VSTM2L: variants seen among roughly 807,000 people sequenced by gnomAD.
The protein encoded by VSTM2L is V-set and transmembrane domain-containing protein 2-like protein.
A neutral mutation model predicts 19.9 loss-of-function variants in VSTM2L; 9 were observed. The observed-to-expected ratio is 0.45, with a 90% CI of 0.27 to 0.79. The LOEUF (loss-of-function observed/expected upper bound fraction) is 0.79. VSTM2L is among the 30% of genes least tolerant of loss of function. VSTM2L has a pLI of 0.15. For synonymous variants in VSTM2L, 127 were observed against 133.8 expected, an observed-to-expected ratio of 0.95 and a Z score of 0.35; for missense variants, 286 against 295.5, an observed-to-expected ratio of 0.97 and a Z score of 0.24.
chr20:37,938,171 A>T (rs2122976157), intron 3 of VSTM2L, among the ~76,000 whole-genome samples: 1 of 152,144 alleles, frequency 6.6e-6, no homozygotes, highest in South Asian at 2.1e-4. Flanking sequence ...AGGGATGTGG[A>T]TTCTGGAGAG....
At chr20:37,943,769 CCACTGCTTAGTT>C (rs1272435756) in intron 3 of VSTM2L, among the ~76,000 whole-genome samples, 200 bp from the exon 4 acceptor site, 5 of 152,278 alleles carry the variant, frequency 3.3e-5, no homozygotes, top group Non-Finnish European at 7.4e-5. Context: ...AGGGAACCGG[CCACTGCTTAGTT>C]ATGTGGTCTG....
intron 1 of VSTM2L, among the ~76,000 whole-genome samples, chr20:37,909,931 G>A (rs1180881496): frequency 1.3e-5 from 2 of 152,202 alleles, no homozygotes; most frequent in Non-Finnish European, 2.9e-5. Flanking sequence ...TGGCAGTGGG[G>A]AGGCAGAGAG....
intron 3 of VSTM2L, among the ~76,000 whole-genome samples, chr20:37,940,899 G>T (rs114160523): frequency 0.01 from 1,560 of 152,282 alleles, 28 homozygotes; most frequent in African/African-American, 0.036. Context: ...CACGAGAACA[G>T]CATGGAGAAA....
chr20:37,925,654 C>T (rs569158188), intron 1 of VSTM2L, among the ~76,000 whole-genome samples: 11 of 152,190 alleles, frequency 7.2e-5, no homozygotes, highest in Non-Finnish European at 1.5e-4. Flanking sequence ...TCCTTCACTA[C>T]CGAGGTCAGA....
chr20:37,943,919 C>T (rs1035773636), intron 3 of VSTM2L, 62 bp from the exon 4 acceptor site: 6 of 527,322 alleles, frequency 1.1e-5, no homozygotes, highest in South Asian at 1.4e-4. Context: ...CCCCCCCCCC[C>T]GACTCTTCTT....
At chr20:37,931,483 A>T in intron 1 of VSTM2L, 152 bp from the exon 2 acceptor site, 1 of 819,912 alleles carries the variant, frequency 1.2e-6, no homozygotes, top group Non-Finnish European at 1.9e-6. Context: ...CTGAAGCCAG[A>T]CCACTCCCAC....
intron 1 of VSTM2L, among the ~76,000 whole-genome samples, chr20:37,908,252 G>A (rs2072761411): frequency 6.6e-6 from 1 of 152,246 alleles, no homozygotes; most frequent in Non-Finnish European, 1.5e-5. Flanking sequence ...TTGCCATGGT[G>A]ACAGCAAGGA....
chr20:37,944,989 T>C lies in VSTM2L; in HGVS notation c.*736T>C. On this transcript the variant is annotated 3_prime_UTR_variant, in exon 4 of 4. Coordinates refer to ENST00000373461, the MANE Select transcript of VSTM2L (RefSeq NM_080607.3). The stretch of plus-strand genomic sequence containing the variant: ...CAGAGTTTTGCACCAGCAGGACCCC[T>C]TTGAGGGCCTTCAAGGCTCTCCCAG... 2.0e-6 allele frequency: 2 copies of C among 985,772 alleles called. No individual in the cohort carries two copies. The highest frequency in any genetic ancestry group is 2.4e-6 in the Non-Finnish European group (2 of 829,948). The allele number at this position is 985,772 out of a possible 1,614,324, so 61.1% of individuals were successfully genotyped here.
intron 1 of VSTM2L, among the ~76,000 whole-genome samples, chr20:37,917,587 CAG>C (rs1305563381): frequency 6.6e-6 from 1 of 152,224 alleles, no homozygotes; most frequent in Admixed American, 6.5e-5. Context: ...AACCAGAGCT[CAG>C]AGTAGTGAAG....
At chr20:37,943,937 ACT>A in intron 3 of VSTM2L, 42 bp from the exon 4 acceptor site, 2 of 128,132 alleles carry the variant, frequency 1.6e-5, no homozygotes, top group Non-Finnish European at 2.3e-5. Context: ...CTTCTCCCCC[ACT>A]GTCACTGGAT....
chr20:37,941,401 G>T (rs1449686264), intron 3 of VSTM2L, among the ~76,000 whole-genome samples: 1 of 152,200 alleles, frequency 6.6e-6, no homozygotes, highest in Non-Finnish European at 1.5e-5. Context: ...CACGCGCAAA[G>T]GCCGTGAGGT....
At chr20:37,908,042 C>T (rs1698349078) in intron 1 of VSTM2L, among the ~76,000 whole-genome samples, 1 of 152,222 alleles carries the variant, frequency 6.6e-6, no homozygotes, top group Non-Finnish European at 1.5e-5. Context: ...GGTGATTATT[C>T]TATCAATTAC....
rs1386826264 is a variant in VSTM2L, at chr20:37,943,849, C to A, written c.343-132C>A. 10 of 969,284 alleles carry A rather than the reference C, an allele frequency of 1.0e-5. No individual in the cohort carries two copies. In the African/African-American group the frequency reaches 1.7e-4, roughly 16 times the overall value. The allele number at this position is 969,284 out of a possible 1,614,324, so 60.0% of individuals were successfully genotyped here. Reference sequence around the variant, plus strand: ...GCTATTTAACTCACTCTTGTGCAAACCTCGGTGGGCCCTTGTGGGAGTGTT... The same window carrying A: ...GCTATTTAACTCACTCTTGTGCAAAACTCGGTGGGCCCTTGTGGGAGTGTT... On this transcript the variant is annotated intron_variant, in intron 3 of 3. Transcript: ENST00000373461.
At chr20:37,934,263 G>A (rs1035287614) in intron 3 of VSTM2L, among the ~76,000 whole-genome samples, 1 of 152,142 alleles carries the variant, frequency 6.6e-6, no homozygotes, top group Non-Finnish European at 1.5e-5. Flanking sequence ...AGGGAGTGAC[G>A]GCTTTTGTGA....
chr20:37,930,560 C>T (rs1212519806), intron 1 of VSTM2L, among the ~76,000 whole-genome samples: 1 of 152,206 alleles, frequency 6.6e-6, no homozygotes, highest in Non-Finnish European at 1.5e-5. Context: ...ATTCTAATTA[C>T]ATCTCAGGAC....
intron 1 of VSTM2L, among the ~76,000 whole-genome samples, chr20:37,916,016 C>T (rs532693606): frequency 3.3e-5 from 5 of 152,208 alleles, no homozygotes; most frequent in Admixed American, 3.3e-4. Context: ...TCCTTTCTGG[C>T]GTGCTGGAGC....
intron 1 of VSTM2L, among the ~76,000 whole-genome samples, chr20:37,912,690 G>A (rs1162429848): frequency 2.0e-5 from 3 of 152,196 alleles, no homozygotes; most frequent in Non-Finnish European, 4.4e-5. Context: ...GCATCTGGAA[G>A]GTTAGAGCAG....
At chr20:37,929,136 C>T (rs1207767484) in intron 1 of VSTM2L, among the ~76,000 whole-genome samples, 1 of 152,040 alleles carries the variant, frequency 6.6e-6, no homozygotes, top group Non-Finnish European at 1.5e-5. Context: ...CCTAAGGAAG[C>T]GGACTTTGAG....
At chr20:37,911,123 T>A (rs1240831810) in intron 1 of VSTM2L, among the ~76,000 whole-genome samples, 1 of 148,186 alleles carries the variant, frequency 6.7e-6, no homozygotes, top group African/African-American at 2.5e-5. Context: ...ATACAAAAAT[T>A]AGCCGGGCAT....
Sources: allele counts gnomAD v4.1 joint callset (sites outside exome capture counted in the v4.1 genomes callset), GRCh38; gene constraint gnomAD v4.1.1; transcripts MANE v1.5; gene names NCBI Gene and HGNC (gene_info 2026-07-23, HGNC 2026-07-21).